Variants in DDX43 observed in about 807,000 individuals in gnomAD.
The protein encoded by DDX43 is DEAD-box helicase 43, also known as probable ATP-dependent RNA helicase DDX43.
Under a neutral mutation model 84.9 loss-of-function variants are expected in DDX43, and 50 were observed. That is an observed-to-expected ratio of 0.59 (90% confidence interval 0.47 to 0.75). The LOEUF is 0.75. Among genes scored for constraint, DDX43 ranks in the 30% least tolerant of loss-of-function variants. The probability of loss-of-function intolerance (pLI) is 0.00; values close to 1 mark genes in which losing one functional copy is unlikely to be tolerated. For missense variants in DDX43, 689 were observed against 798.6 expected, an observed-to-expected ratio of 0.86 and a Z score of 1.65; for synonymous variants, 291 against 266.3, an observed-to-expected ratio of 1.09 and a Z score of -0.90.
Position 73,394,947 on chromosome 6 carries a change from C to T in DDX43, c.42C>T (p.Val14=). 1.2e-6 allele frequency: 2 copies of T among 1,614,224 alleles called. No homozygotes were observed. Among genetic ancestry groups the T allele is most frequent in the South Asian group, 1.1e-5 (1 of 91,080 alleles). Residue 14 remains valine, a synonymous_variant, in exon 1 of 17, where the codon GTC becomes GTT. Transcript: ENST00000370336. ...GAGCTCCCAAGGCCTCTACGTGGGT[C>T]GTTGCTAGTCGGCGAAGCTCGACAG... is the stretch of plus-strand genomic sequence containing the variant. ...HGGAPKASTW[V]VASRRSSTVS... is the part of the protein sequence containing the mutation.
chr6:73,395,280 C>G, intron 1 of DDX43, 125 bp downstream of exon 1: 3 of 1,222,092 alleles, frequency 2.5e-6, no homozygotes, highest in Non-Finnish European at 3.3e-6. Context: ...AGGTCTCTCC[C>G]AGAGCTATTT....
chr6:73,415,423 GA>G, intron 14 of DDX43, 73 bp from the exon 15 acceptor site: 1 of 1,088,352 alleles, frequency 9.2e-7, no homozygotes, highest in South Asian at 1.5e-5. Flanking sequence ...CAGCTTCTGT[GA>G]AAAAGTTTTC....
intron 6 of DDX43, among the ~76,000 whole-genome samples, chr6:73,406,071 T>C (rs1369059913): frequency 1.3e-5 from 2 of 151,800 alleles, no homozygotes; most frequent in Non-Finnish European, 2.9e-5. Context: ...TTGCCCAGGC[T>C]GGAATGCAGT....
At chr6:73,400,443 C>G (rs186760672) in intron 3 of DDX43, 80 bp downstream of exon 3, 26 of 1,294,424 alleles carry the variant, frequency 2.0e-5, no homozygotes, top group Admixed American at 8.3e-5. Flanking sequence ...CCTGATTTCA[C>G]TTTCTGATTC....
In DDX43 at chr6:73,397,625, T is replaced by C; in HGVS notation, c.251-64T>C. 7 of 1,299,446 alleles carry C rather than the reference T, an allele frequency of 5.4e-6. No individual in the cohort carries two copies. The South Asian group carries it at 6.1e-5, about 11-fold the overall frequency. The allele number at this position is 1,299,446 out of a possible 1,614,324, so 80.5% of individuals were successfully genotyped here. The stretch of plus-strand genomic sequence containing the variant: ...ACTAGAGAATGTTTGTTGAGGAAAA[T>C]GGGTAAATTTTCAACTTACTAATTT... On this transcript the variant is annotated intron_variant, in intron 1 of 16. Transcript: ENST00000370336.
At chr6:73,401,710 GA>G in intron 3 of DDX43, 148 bp from the exon 4 acceptor site, 1 of 662,404 alleles carries the variant, frequency 1.5e-6, no homozygotes, top group Non-Finnish European at 2.3e-6. Flanking sequence ...GCTGAGGCAA[GA>G]GAATGGCGGG....
In DDX43 at chr6:73,395,007, G is replaced by A. The variant is rs1250826484; in HGVS notation, c.102G>A (p.Glu34=). The A allele has an allele frequency of 6.2e-7, 1 of 1,614,278 alleles. No homozygotes were observed. The change falls in exon 1 of 17, where the codon GAG becomes GAA. Residue 34 remains glutamate, a synonymous_variant. Transcript: ENST00000370336. ...CGCCAGAGAGGAGGCCGGCGGAGGA[G>A]TTGAATCGAACAGGTCCTGAGGGAT... ...SRAPERRPAE[E]LNRTGPEGYS... is the part of the protein sequence containing the mutation.
In DDX43 at chr6:73,412,195, G is replaced by A. The variant is rs201902009; in HGVS notation, c.1281-10G>A. ...AACAAAATTGTAATGTTTGTAACTT[G>A]TATTCCCAGTGCTACATGGCCTCAT... is the stretch of plus-strand genomic sequence containing the variant. On this transcript the variant is annotated splice_polypyrimidine_tract_variant and intron_variant, in intron 10 of 16. Transcript: ENST00000370336. 1.7e-4 allele frequency: 278 copies of A among 1,601,476 alleles called. No homozygotes were observed. The African/African-American group carries it at 3.4e-3, about 19-fold the overall frequency.
At chr6:73,396,409 A>G (rs769816035) in intron 1 of DDX43, among the ~76,000 whole-genome samples, 2 of 152,220 alleles carry the variant, frequency 1.3e-5, no homozygotes, top group South Asian at 2.1e-4. Context: ...AAAATAGTGC[A>G]TTGTAAGACT....
At chr6:73,414,867 C>T (rs1176216609) in intron 14 of DDX43, among the ~76,000 whole-genome samples, 181 bp downstream of exon 14, 1 of 152,158 alleles carries the variant, frequency 6.6e-6, no homozygotes, top group African/African-American at 2.4e-5. Flanking sequence ...CAACCAGATT[C>T]CATCCATGAT....
intron 3 of DDX43, among the ~76,000 whole-genome samples, chr6:73,401,481 A>G (rs1769567404): frequency 6.6e-6 from 1 of 152,182 alleles, no homozygotes; most frequent in Non-Finnish European, 1.5e-5. Flanking sequence ...CCCAAATTTT[A>G]TATTTTAAGC....
intron 1 of DDX43, among the ~76,000 whole-genome samples, chr6:73,395,798 A>G (rs1769460154): frequency 6.6e-6 from 1 of 152,106 alleles, no homozygotes. Context: ...TCTTTCTATG[A>G]GTACCATTTA....
In DDX43 at chr6:73,406,345, G is replaced by C; in HGVS notation, c.808-19G>C. On this transcript the variant is annotated intron_variant, in intron 6 of 16. Coordinates refer to ENST00000370336, the MANE Select transcript of DDX43 (RefSeq NM_018665.3). ...CAAAAGATGTACTTTTTGTGTTAAT[G>C]TTTATCATTCCGTTTCAGTCACAGG... is the stretch of plus-strand genomic sequence containing the variant. The C allele has an allele frequency of 1.9e-6, 3 of 1,555,698 alleles. No individual in the cohort carries two copies. The highest frequency in any genetic ancestry group is 2.7e-6 in the Non-Finnish European group (3 of 1,130,106).
At chr6:73,395,299 TGG>T in intron 1 of DDX43, 144 bp downstream of exon 1, 1 of 1,103,148 alleles carries the variant, frequency 9.1e-7, no homozygotes. Flanking sequence ...TTGTAAAACC[TGG>T]GGATAGAGTA....
rs1282643299 is a variant in DDX43, at chr6:73,399,927, T to C, written c.307-307T>C. Among the ~76,000 whole-genome samples the C allele has an allele frequency of 2.6e-5, 4 of 152,212 alleles. No homozygotes were observed. The East Asian group carries it at 7.7e-4, about 29-fold the overall frequency. On this transcript the variant is annotated intron_variant, in intron 2 of 16. Coordinates refer to ENST00000370336, the MANE Select transcript of DDX43 (RefSeq NM_018665.3). ...ACCTCAGAATCAAAATAATATTACCTGTCAGGTTAGTGCCTTAATTATTTC... is the reference window on the plus strand; with the variant it reads ...ACCTCAGAATCAAAATAATATTACCCGTCAGGTTAGTGCCTTAATTATTTC...
chr6:73,414,512 A>G lies in DDX43; in HGVS notation c.1607-36A>G, dbSNP rs767201432. On this transcript the variant is annotated intron_variant, in intron 13 of 16. Transcript: ENST00000370336. ...TTTAGATCTTGGGTTGGTTTATACC[A>G]GAATGGTTCAGTGTTCATTTGGCTT... 5 of 1,573,950 alleles carry G rather than the reference A, an allele frequency of 3.2e-6. No individual in the cohort carries two copies. The Admixed American group carries it at 9.3e-5, about 29-fold the overall frequency.
intron 7 of DDX43, 80 bp from the exon 8 acceptor site, chr6:73,407,425 T>C: frequency 9.7e-7 from 1 of 1,029,510 alleles, no homozygotes; most frequent in Non-Finnish European, 1.5e-6. Flanking sequence ...GGCTTGTTGC[T>C]ACAAATCTTG....
At chr6:73,398,198 C>A (rs1413284766) in intron 2 of DDX43, among the ~76,000 whole-genome samples, 2 of 152,112 alleles carry the variant, frequency 1.3e-5, no homozygotes, top group African/African-American at 4.8e-5. Context: ...TCTCAAGAAG[C>A]CACCTGAATT....
chr6:73,407,660 A>G (rs770483725), intron 8 of DDX43, 45 bp downstream of exon 8: 21 of 1,306,440 alleles, frequency 1.6e-5, no homozygotes, highest in Non-Finnish European at 2.0e-5. Flanking sequence ...TCATATTTTA[A>G]TCATTTGTAG....
Sources: gnomAD v4.1 joint callset for allele counts (sites outside exome capture counted in the v4.1 genomes callset) on GRCh38, gnomAD v4.1.1 for gene constraint, MANE v1.5 for transcripts, NCBI Gene and HGNC (gene_info 2026-07-23, HGNC 2026-07-21) for gene names.